The following DAPK1 variants were observed in gnomAD, a reference collection of about 807,000 sequenced individuals.
The protein encoded by DAPK1 is death-associated protein kinase 1.
Under a neutral mutation model 144.9 loss-of-function variants are expected in DAPK1, and 56 were observed. The ratio of observed to expected loss-of-function variants is 0.39; its 90% CI spans 0.31 to 0.48. DAPK1 has a LOEUF of 0.48. Ranked by LOEUF, DAPK1 falls within the 20% of genes least tolerant of loss-of-function variation. The pLI, the probability that DAPK1 is intolerant of heterozygous loss-of-function variation, is 0.95. For synonymous variants in DAPK1, 690 were observed against 749.0 expected (o/e 0.92, Z 1.29); for missense variants, 1,454 against 1,875.4 (o/e 0.78, Z 4.15).
upstream of DAPK1, chr9:87,497,725 G>C (rs905906265): frequency 3.8e-6 from 1 of 261,552 alleles, no homozygotes; most frequent in Admixed American, 5.5e-5. Context: ...GAGGAGCAGC[G>C]AGCGCCGCGC....
chr9:87,641,752 C>T (rs1013740375), intron 9 of DAPK1, among the ~76,000 whole-genome samples: 9 of 152,156 alleles, frequency 5.9e-5, no homozygotes, highest in Non-Finnish European at 1.2e-4. Context: ...AGCTCTACTT[C>T]TCCCCAGTGT....
In DAPK1 at chr9:87,700,236, C is replaced by T. The variant is rs201983425; in HGVS notation, c.2870C>T (p.Ser957Leu). 4.9e-5 allele frequency: 79 copies of T among 1,611,232 alleles called. No individual in the cohort carries two copies. Among genetic ancestry groups the T allele is most frequent in the Admixed American group, 2.0e-4 (12 of 59,990 alleles). The stretch of plus-strand genomic sequence containing the variant: ...CAAGAAATACGAAGCCAGATTGTTT[C>T]GGTAAGTACACCATGGAAAGAGCCT... ...HLQEIRSQIVSVCPPMTHLCE... is the reference protein window; with the variant it reads ...HLQEIRSQIVLVCPPMTHLCE... Residue 957 changes from serine to leucine, a missense_variant and splice_region_variant, in exon 24 of 26, where the codon TCG becomes TTG. Physicochemically the swap from Ser to Leu is moderately radical, Grantham distance 145 (BLOSUM62 -2). Coordinates refer to ENST00000408954, the MANE Select transcript of DAPK1 (RefSeq NM_004938.4).
intron 2 of DAPK1, among the ~76,000 whole-genome samples, chr9:87,504,318 T>C (rs1160519311): frequency 6.6e-6 from 1 of 152,222 alleles, no homozygotes; most frequent in African/African-American, 2.4e-5. Flanking sequence ...GAAGGTCTAA[T>C]AATAATTTTC....
Position 87,703,223 on chromosome 9 carries a change from C to G in DAPK1, c.3060+6C>G, listed in dbSNP as rs1185416638. 5.7e-6 allele frequency: 9 copies of G among 1,578,804 alleles called. No homozygotes were observed. The highest frequency in any genetic ancestry group is 7.0e-6 in the Non-Finnish European group (8 of 1,148,804). ...AGCTCCACAGCACAGGCGAGGTGAGCCCCTGGGAGCCCAGGCAGGGGGCCG... is the reference window on the plus strand; with the variant it reads ...AGCTCCACAGCACAGGCGAGGTGAGGCCCTGGGAGCCCAGGCAGGGGGCCG... On this transcript the variant is annotated splice_donor_region_variant and intron_variant, in intron 25 of 25. Transcript: ENST00000408954.
intron 2 of DAPK1, among the ~76,000 whole-genome samples, chr9:87,539,599 G>A (rs980157796): frequency 1.1e-4 from 17 of 151,632 alleles, no homozygotes; most frequent in African/African-American, 3.2e-4. Context: ...TGTGTTTTTA[G>A]TAGAGACGGG....
chr9:87,608,650 T>C (rs963402540), intron 3 of DAPK1, among the ~76,000 whole-genome samples: 1 of 152,210 alleles, frequency 6.6e-6, no homozygotes, highest in South Asian at 2.1e-4. Context: ...TGTTTTTCAA[T>C]TGTAGGCTTT....
chr9:87,691,224 G>A (rs779438669), intron 21 of DAPK1, among the ~76,000 whole-genome samples: 2 of 151,792 alleles, frequency 1.3e-5, no homozygotes, highest in Non-Finnish European at 2.9e-5. Context: ...TTCAATCTTT[G>A]TAAATTATCT....
chr9:87,637,938 C>A lies in DAPK1; in HGVS notation c.285-5C>A. ...TACCAATAACCTCTGCTTCCGGGTT[C>A]TCAGCGTTGCAGGTGGCGAGCTGTT... is the stretch of plus-strand genomic sequence containing the variant. On this transcript the variant is annotated splice_region_variant and splice_polypyrimidine_tract_variant and intron_variant, in intron 3 of 25. Coordinates refer to ENST00000408954, the MANE Select transcript of DAPK1 (RefSeq NM_004938.4). The A allele has an allele frequency of 6.2e-7, 1 of 1,613,266 alleles. No homozygotes were observed. Among genetic ancestry groups the A allele is most frequent in the South Asian group, 1.1e-5 (1 of 91,022 alleles).
At chr9:87,584,049 ATTAT>A (rs1450550982) in intron 2 of DAPK1, among the ~76,000 whole-genome samples, 1 of 152,156 alleles carries the variant, frequency 6.6e-6, no homozygotes, top group Non-Finnish European at 1.5e-5. Flanking sequence ...TCTTTTTTAA[ATTAT>A]TTTTTTAAAT....
chr9:87,524,783 T>C (rs1299225089), intron 2 of DAPK1, among the ~76,000 whole-genome samples: 1 of 152,056 alleles, frequency 6.6e-6, no homozygotes, highest in Admixed American at 6.6e-5. Flanking sequence ...GTGAAGTAAC[T>C]CAAGAATGGA....
At chr9:87,555,778 C>T (rs1826691879) in intron 2 of DAPK1, among the ~76,000 whole-genome samples, 4 of 152,234 alleles carry the variant, frequency 2.6e-5, no homozygotes, top group African/African-American at 7.2e-5. Context: ...GCTGGGATTA[C>T]AGGCGTAAGC....
chr9:87,667,596 G>A (rs1224781906), intron 18 of DAPK1, among the ~76,000 whole-genome samples: 1 of 152,154 alleles, frequency 6.6e-6, no homozygotes, highest in Admixed American at 6.5e-5. Flanking sequence ...AGTGACTTGG[G>A]TTGAGGAATT....
At chr9:87,540,536 C>A (rs1826011103) in intron 2 of DAPK1, among the ~76,000 whole-genome samples, 1 of 152,088 alleles carries the variant, frequency 6.6e-6, no homozygotes, top group Non-Finnish European at 1.5e-5. Flanking sequence ...TAAACTTCAT[C>A]ACAGGTCTGT....
At chr9:87,555,718 G>T (rs1826689032) in intron 2 of DAPK1, among the ~76,000 whole-genome samples, 1 of 152,168 alleles carries the variant, frequency 6.6e-6, no homozygotes, top group African/African-American at 2.4e-5. Context: ...GGTCAGGCTG[G>T]TCTCGAACTC....
chr9:87,616,985 G>A (rs1205128804), intron 3 of DAPK1, among the ~76,000 whole-genome samples: 1 of 152,232 alleles, frequency 6.6e-6, no homozygotes, highest in Non-Finnish European at 1.5e-5. Context: ...CAGGGAGAAA[G>A]TAACTTCACT....
chr9:87,537,534 G>A (rs1825900493), intron 2 of DAPK1, among the ~76,000 whole-genome samples: 1 of 152,064 alleles, frequency 6.6e-6, no homozygotes, highest in South Asian at 2.1e-4. Flanking sequence ...TGGTGTATGT[G>A]TGTGTATGTG....
At chr9:87,523,705 T>C (rs1350558015) in intron 2 of DAPK1, among the ~76,000 whole-genome samples, 4 of 152,130 alleles carry the variant, frequency 2.6e-5, no homozygotes, top group Non-Finnish European at 4.4e-5. Flanking sequence ...TATTTTCGTG[T>C]GAAGTGTGAA....
chr9:87,696,923 G>A lies in DAPK1; in HGVS notation c.2414-84G>A, dbSNP rs375541181. ...CCATAAGTATCACTATGCCTACTTC[G>A]AATCCGTGGAACGCTAAGAGAATTT... On this transcript the variant is annotated intron_variant, in intron 21 of 25. Coordinates refer to ENST00000408954, the MANE Select transcript of DAPK1 (RefSeq NM_004938.4). 5.5e-5 allele frequency: 44 copies of A among 794,158 alleles called. No individual in the cohort carries two copies. The East Asian group carries it at 8.5e-4, about 15-fold the overall frequency. The allele number at this position is 794,158 out of a possible 1,614,324, so 49.2% of individuals were successfully genotyped here.
intron 2 of DAPK1, among the ~76,000 whole-genome samples, chr9:87,506,514 T>C (rs1824601556): frequency 6.6e-6 from 1 of 152,262 alleles, no homozygotes; most frequent in African/African-American, 2.4e-5. Context: ...TTCATTGTTA[T>C]TTAACTTTTG....
Sources: allele counts gnomAD v4.1 joint callset (sites outside exome capture counted in the v4.1 genomes callset), GRCh38; gene constraint gnomAD v4.1.1; transcripts MANE v1.5; gene names NCBI Gene and HGNC (gene_info 2026-07-23, HGNC 2026-07-21).